Variants in PDE4D observed in about 807,000 individuals in gnomAD.
The protein encoded by PDE4D is 3',5'-cyclic-AMP phosphodiesterase 4D.
Under a neutral mutation model 87.4 loss-of-function variants are expected in PDE4D, and 24 were observed. That is an observed-to-expected ratio of 0.27 (90% CI 0.20 to 0.39). PDE4D has a LOEUF of 0.39. Among genes scored for constraint, PDE4D ranks in the 10% least tolerant of loss-of-function variants. PDE4D has a pLI of 1.00. For missense variants in PDE4D, 714 were observed against 1,041.0 expected (o/e 0.69, Z 4.32); for synonymous variants, 384 against 383.2 (o/e 1.00, Z -0.02).
intron 1 of PDE4D, among the ~76,000 whole-genome samples, chr5:60,190,638 G>A (rs771029094): frequency 6.6e-6 from 1 of 152,164 alleles, no homozygotes; most frequent in Non-Finnish European, 1.5e-5. Flanking sequence ...AACTGCCTGG[G>A]ACAACACAAT....
intron 2 of PDE4D, among the ~76,000 whole-genome samples, chr5:60,133,446 A>G (rs758693442): frequency 3.0e-4 from 45 of 152,110 alleles, no homozygotes; most frequent in Middle Eastern, 3.2e-3. Context: ...CTCCTGCCTC[A>G]GCCTCCTGAG....
chr5:60,336,701 A>G (rs1230836651), intron 1 of PDE4D, among the ~76,000 whole-genome samples: 1 of 152,106 alleles, frequency 6.6e-6, no homozygotes, highest in Non-Finnish European at 1.5e-5. Context: ...TGGCTGAATG[A>G]TTCTGTTGAT....
chr5:60,158,826 C>T (rs889603811), intron 2 of PDE4D, among the ~76,000 whole-genome samples: 1 of 152,168 alleles, frequency 6.6e-6, no homozygotes, highest in Non-Finnish European at 1.5e-5. Context: ...GCCTCGGCCT[C>T]CCAAAGTGCT....
chr5:59,643,364 G>T (rs1741924097), intron 1 of PDE4D, among the ~76,000 whole-genome samples: 1 of 152,162 alleles, frequency 6.6e-6, no homozygotes, highest in African/African-American at 2.4e-5. Context: ...GCCCCCTCTT[G>T]AGTCTTCAGC....
chr5:59,056,257 C>T (rs1173087137), intron 5 of PDE4D, among the ~76,000 whole-genome samples: 3 of 152,038 alleles, frequency 2.0e-5, no homozygotes, highest in African/African-American at 7.2e-5. Context: ...CTTTTCTTTC[C>T]CCAGTTCTCC....
intron 1 of PDE4D, among the ~76,000 whole-genome samples, chr5:59,842,586 A>G (rs1350039267): frequency 6.6e-6 from 1 of 152,062 alleles, no homozygotes; most frequent in African/African-American, 2.4e-5. Flanking sequence ...ATGTAAAGAT[A>G]GTTGAATAAA....
chr5:60,247,723 CCT>C (rs1284289300), intron 1 of PDE4D, among the ~76,000 whole-genome samples: 2 of 151,824 alleles, frequency 1.3e-5, no homozygotes, highest in Non-Finnish European at 2.9e-5. Flanking sequence ...CTCTCCTCTC[CCT>C]CTCTCTCACA....
chr5:59,668,251 G>A (rs11956760), intron 1 of PDE4D, among the ~76,000 whole-genome samples: 2 of 152,162 alleles, frequency 1.3e-5, no homozygotes, highest in Non-Finnish European at 2.9e-5. Flanking sequence ...CTTTAAATGA[G>A]ATGAATATGT....
chr5:60,186,055 TTCACTAAGGGA>T (rs1784760967), intron 1 of PDE4D, among the ~76,000 whole-genome samples: 3 of 152,138 alleles, frequency 2.0e-5, no homozygotes, highest in Admixed American at 2.0e-4. Context: ...TCGACAATTT[TTCACTAAGGGA>T]TCACTAAGGT....
intron 2 of PDE4D, among the ~76,000 whole-genome samples, chr5:60,060,755 C>T (rs558381701): frequency 2.9e-4 from 44 of 152,178 alleles, no homozygotes; most frequent in African/African-American, 1.0e-3. Flanking sequence ...TCTTCAGCCT[C>T]TCAGCTTCCT....
chr5:60,340,621 A>C (rs1338981115), intron 1 of PDE4D, among the ~76,000 whole-genome samples: 2 of 151,884 alleles, frequency 1.3e-5, no homozygotes. Flanking sequence ...AAAAAAAAAA[A>C]AAAAACCACA....
intron 2 of PDE4D, among the ~76,000 whole-genome samples, chr5:59,200,347 G>A (rs1158548094): frequency 2.0e-5 from 2 of 101,312 alleles, no homozygotes; most frequent in Non-Finnish European, 2.0e-5. Flanking sequence ...ACAGCTACAC[G>A]TATACATACA....
intron 1 of PDE4D, among the ~76,000 whole-genome samples, chr5:59,267,964 T>C (rs1763126038): frequency 6.6e-6 from 1 of 152,118 alleles, no homozygotes; most frequent in African/African-American, 2.4e-5. Context: ...GTTTCATTAA[T>C]GGCAGCTTTT....
chr5:59,061,765 T>A (rs1053545583), intron 5 of PDE4D, among the ~76,000 whole-genome samples: 1 of 152,082 alleles, frequency 6.6e-6, no homozygotes, highest in South Asian at 2.1e-4. Context: ...GGAAAAAAAA[T>A]TGCAACTGTC....
intron 1 of PDE4D, among the ~76,000 whole-genome samples, chr5:59,574,124 A>C (rs1194054871): frequency 2.8e-4 from 1 of 3,584 alleles, no homozygotes; most frequent in African/African-American, 5.5e-4. Context: ...ATATAAATAT[A>C]TATTTATATA....
At chr5:60,255,113 A>G (rs1748902006) in intron 1 of PDE4D, among the ~76,000 whole-genome samples, 1 of 151,930 alleles carries the variant, frequency 6.6e-6, no homozygotes, top group Admixed American at 6.6e-5. Context: ...ATCTCTTCAT[A>G]TCAAGGGATG....
chr5:59,717,365 A>G (rs925050029), intron 1 of PDE4D, among the ~76,000 whole-genome samples: 60 of 152,318 alleles, frequency 3.9e-4, no homozygotes, highest in African/African-American at 1.4e-3. Context: ...AGCTAAGCAT[A>G]TGGAGCACCC....
intron 1 of PDE4D, among the ~76,000 whole-genome samples, chr5:59,427,568 T>C (rs997285051): frequency 2.4e-4 from 36 of 152,234 alleles, no homozygotes; most frequent in African/African-American, 8.4e-4. Flanking sequence ...GCTTGATTGC[T>C]CATGCCTGTA....
At chr5:59,700,794 T>C (rs1203865374) in intron 1 of PDE4D, among the ~76,000 whole-genome samples, 3 of 152,170 alleles carry the variant, frequency 2.0e-5, no homozygotes, top group African/African-American at 7.2e-5. Flanking sequence ...GCCAATCATA[T>C]CCACTAAACA....
Sources: gnomAD v4.1 joint callset for allele counts (sites outside exome capture counted in the v4.1 genomes callset) on GRCh38, gnomAD v4.1.1 for gene constraint, MANE v1.5 for transcripts, NCBI Gene and HGNC (gene_info 2026-07-23, HGNC 2026-07-21) for gene names.